Variants in CRELD2 observed in about 807,000 individuals in gnomAD.
CRELD2 encodes the protein protein disulfide isomerase CRELD2.
Under a neutral mutation model 48.1 loss-of-function variants are expected in CRELD2, and 33 were observed. That is an observed-to-expected ratio of 0.69 (90% CI 0.52 to 0.92). CRELD2 has a LOEUF of 0.92. CRELD2 is among the 40% of genes least tolerant of loss of function. The pLI, the probability that CRELD2 is intolerant of heterozygous loss-of-function variation, is 0.00. For synonymous variants in CRELD2, 220 were observed against 203.9 expected (o/e 1.08, Z -0.67); for missense variants, 477 against 482.4 (o/e 0.99, Z 0.10).
chr22:49,918,855 C>T lies in CRELD2; in HGVS notation c.86C>T (p.Thr29Met), dbSNP rs1345873878. 1 of 1,315,474 alleles carries T rather than the reference C, an allele frequency of 7.6e-7. No homozygotes were observed. The highest frequency in any genetic ancestry group is 9.7e-7 in the Non-Finnish European group (1 of 1,035,494). The allele number at this position is 1,315,474 out of a possible 1,614,324, so 81.5% of individuals were successfully genotyped here. A position where few individuals can be genotyped will look rare whatever the true frequency, so the allele number is the denominator to read the frequency against. ...PPAPEAAKKP[T>M]PCHRCRGLVD... is the part of the protein sequence containing the mutation. ...GCGCCGGAGGCCGCCAAGAAGCCGACGCCCTGCCACCGGTGCCGGGGGCTG... is the reference window on the plus strand; with the variant it reads ...GCGCCGGAGGCCGCCAAGAAGCCGATGCCCTGCCACCGGTGCCGGGGGCTG... The change falls in exon 1 of 10, where the codon ACG becomes ATG. Residue 29 changes from threonine (T) to methionine (M), a missense_variant. Coordinates refer to ENST00000328268, the MANE Select transcript of CRELD2 (RefSeq NM_024324.5).
chr22:49,922,328 T>G (rs765582080), intron 5 of CRELD2: 3 of 1,607,268 alleles, frequency 1.9e-6, no homozygotes, highest in Non-Finnish European at 1.7e-6. Flanking sequence ...CTTACCCGCC[T>G]TGCTGTCTGT....
rs575556167 is a variant in CRELD2, at chr22:49,918,741, G to C, written c.-29G>C. 2.8e-4 allele frequency: 262 copies of C among 929,596 alleles called. 1 individual carries two copies. In the African/African-American group the frequency reaches 4.2e-3, roughly 15 times the overall value. 57.6% of individuals were successfully genotyped at this position (929,596 alleles called of 1,614,324 possible). On this transcript the variant is annotated 5_prime_UTR_variant, in exon 1 of 10. Transcript: ENST00000328268. The stretch of plus-strand genomic sequence containing the variant: ...GCACGGCCGCAGGACCTGGAGCTCC[G>C]GCTGCGTCTTCCCGCAGCGCTACCC...
At chr22:49,924,059 C>A in intron 7 of CRELD2, 1 of 276,292 alleles carries the variant, frequency 3.6e-6, no homozygotes, top group Non-Finnish European at 7.0e-6. Context: ...GGCAGGCTGG[C>A]AAACCAATGG....
At chr22:49,921,299 T>G in intron 4 of CRELD2, 1 of 443,206 alleles carries the variant, frequency 2.3e-6, no homozygotes, top group Non-Finnish European at 4.0e-6. Context: ...AGTATCATCT[T>G]AGGGGACAGC....
Position 49,919,452 on chromosome 22 carries a change from T to C in CRELD2, c.212+140T>C, listed in dbSNP as rs2060653627. ...AGTCACCCGTCCGAGTCACCTCGGC[T>C]TCTCCCTGAGGACTAATGGCTGGCC... On this transcript the variant is annotated intron_variant, in intron 2 of 9. Coordinates refer to ENST00000328268, the MANE Select transcript of CRELD2 (RefSeq NM_024324.5). 5.1e-6 allele frequency: 4 copies of C among 781,434 alleles called. No individual in the cohort carries two copies. The South Asian group carries it at 6.6e-5, about 13-fold the overall frequency. The allele number at this position is 781,434 out of a possible 1,614,324, so 48.4% of individuals were successfully genotyped here.
rs948217593 is a variant in CRELD2 at position 49,918,647 on chromosome 22, C to T, written c.-123C>T. On this transcript the variant is annotated 5_prime_UTR_variant, in exon 1 of 10. Transcript: ENST00000328268. ...GGCGGGTGGGGCGGGGCCTCGCCGG[C>T]GCCGTCAAGTAGCCTGGGGGACAGG... is the stretch of plus-strand genomic sequence containing the variant. 5.6e-6 allele frequency: 2 copies of T among 357,700 alleles called. No homozygotes were observed. The highest frequency in any genetic ancestry group is 4.8e-5 in the Admixed American group (1 of 20,936). The allele number at this position is 357,700 out of a possible 1,614,324, so 22.2% of individuals were successfully genotyped here. A position where few individuals can be genotyped will look rare whatever the true frequency, so the allele number is the denominator to read the frequency against.
rs145769120 is a variant in CRELD2, at chr22:49,921,956, G to GT, written c.592+196dup. The GT allele has an allele frequency of 1.9e-3, 1,185 of 627,248 alleles. 10 individuals carry two copies. The African/African-American group carries it at 0.02, about 11-fold the overall frequency. The allele number at this position is 627,248 out of a possible 1,614,324, so 38.9% of individuals were successfully genotyped here. On this transcript the variant is annotated intron_variant, in intron 5 of 9. Coordinates refer to ENST00000328268, the MANE Select transcript of CRELD2 (RefSeq NM_024324.5). ...GAGGTTGTCGGGCACTTCCTGTCCCGTAACAGCCCTCAGAAGGGAGAAGCT... is the reference window on the plus strand; with the variant it reads ...GAGGTTGTCGGGCACTTCCTGTCCCGTTAACAGCCCTCAGAAGGGAGAAGCT...
At position 49,921,676 on chromosome 22, in the gene CRELD2, C is replaced by T. The variant is rs765286219; in HGVS notation, c.507C>T (p.His169=). ...SRQGDGSCRC[H]MGYQGPLCTD... Reference sequence around the variant, plus strand: ...AGGGCGACGGGTCCTGCCGGTGCCACATGGGGTACCAGGGCCCGCTGTGCA... The same window carrying T: ...AGGGCGACGGGTCCTGCCGGTGCCATATGGGGTACCAGGGCCCGCTGTGCA... Residue 169 remains histidine (H), a synonymous_variant, in exon 5 of 10, where the codon CAC becomes CAT. Transcript: ENST00000328268. 2 of 1,612,962 alleles carry T rather than the reference C, an allele frequency of 1.2e-6. No homozygotes were observed. The highest frequency in any genetic ancestry group is 1.1e-5 in the South Asian group (1 of 91,080).
Position 49,918,811 on chromosome 22 carries a change from T to C in CRELD2, c.42T>C (p.Leu14=), listed in dbSNP as rs562220912. 1 of 1,330,910 alleles carries C rather than the reference T, an allele frequency of 7.5e-7. No individual in the cohort carries two copies. The highest frequency in any genetic ancestry group is 3.9e-5 in the Admixed American group (1 of 25,580). 82.4% of individuals were successfully genotyped at this position (1,330,910 alleles called of 1,614,324 possible). ...PRRAALGLLP[L]LLLLPPAPEA... is the part of the protein sequence containing the mutation. ...GGGCCGCGCTGGGGCTCCTGCCGCT[T>C]CTGCTGCTGCTGCCGCCCGCGCCGG... The change falls in exon 1 of 10, where the codon CTT becomes CTC. Residue 14 remains leucine, a synonymous_variant. Coordinates refer to ENST00000328268, the MANE Select transcript of CRELD2 (RefSeq NM_024324.5).
Position 49,919,267 on chromosome 22 carries a change from G to A in CRELD2, c.167G>A (p.Gly56Glu), listed in dbSNP as rs758828736. 3.7e-6 allele frequency: 6 copies of A among 1,613,628 alleles called. No individual in the cohort carries two copies. The African/African-American group carries it at 6.7e-5, about 18-fold the overall frequency. The stretch of plus-strand genomic sequence containing the variant: ...ACCGCAAAGAAGAACTTTGGCGGCG[G>A]GAACACGGCTTGGGAGGAAAAGACG... ...VDTAKKNFGG[G>E]NTAWEEKTLS... Residue 56 changes from glycine (G) to glutamate (E), a missense_variant, in exon 2 of 10, where the codon GGG becomes GAG. Transcript: ENST00000328268.
Position 49,919,265 on chromosome 22 carries a change from C to T in CRELD2, c.165C>T (p.Gly55=), listed in dbSNP as rs564412416. The T allele has an allele frequency of 8.7e-6, 14 of 1,613,606 alleles. No individual in the cohort carries two copies. The South Asian group carries it at 8.8e-5, about 10-fold the overall frequency. The stretch of plus-strand genomic sequence containing the variant: ...ACACCGCAAAGAAGAACTTTGGCGG[C>T]GGGAACACGGCTTGGGAGGAAAAGA... ...MVDTAKKNFG[G]GNTAWEEKTL... The change falls in exon 2 of 10, where the codon GGC becomes GGT. Residue 55 remains glycine (G), a synonymous_variant. Transcript: ENST00000328268.
chr22:49,922,907 TGAGGTG>T (rs2060714763), intron 6 of CRELD2, among the ~76,000 whole-genome samples, 200 bp downstream of exon 6: 3 of 17,672 alleles, frequency 1.7e-4, no homozygotes, highest in African/African-American at 1.2e-3. Flanking sequence ...AGGTGGGGCG[TGAGGTG>T]TGGGGGCGTG....
intron 6 of CRELD2, among the ~76,000 whole-genome samples, 176 bp downstream of exon 6, chr22:49,922,883 T>TGGGGCCGTGAG (rs2060713179): frequency 4.7e-5 from 1 of 21,486 alleles, no homozygotes; most frequent in African/African-American, 4.4e-4. Flanking sequence ...GGGCGTGAGG[T>TGGGGCCGTGAG]GTGGGGGAGC....
At position 49,922,883 on chromosome 22, in the gene CRELD2, TGTGGGGGAGCATGAG is replaced by T. The variant is rs1569185890; in HGVS notation, c.688+183_688+197del. Among the ~76,000 whole-genome samples, 42 of 21,460 alleles carry T rather than the reference TGTGGGGGAGCATGAG, an allele frequency of 2.0e-3. 4 individuals are homozygous for T. The highest frequency in any genetic ancestry group is 0.017 in the African/African-American group (38 of 2,290). The allele number at this position is 21,460 out of a possible 152,430, so 14.1% of individuals were successfully genotyped here. The stretch of plus-strand genomic sequence containing the variant: ...GGCTTGGGGTGTGGGGGGCGTGAGG[TGTGGGGGAGCATGAG>T]GTGGGGCGTGAGGTGTGGGGGCGTG... On this transcript the variant is annotated intron_variant, in intron 6 of 9. Transcript: ENST00000328268.
In CRELD2 at chr22:49,925,478, T is replaced by C. The variant is rs1374553549; in HGVS notation, c.930T>C (p.Asn310=). The C allele has an allele frequency of 1.2e-6, 2 of 1,614,008 alleles. No homozygotes were observed. The highest frequency in any genetic ancestry group is 3.3e-5 in the Admixed American group (2 of 60,014). The change falls in exon 9 of 10, where the codon AAT becomes AAC. Residue 310 remains asparagine, a synonymous_variant. Coordinates refer to ENST00000328268, the MANE Select transcript of CRELD2 (RefSeq NM_024324.5). ...TGAGGAAAAACGAAAACTGCTACAA[T>C]ACTCCAGGGAGCTACGTCTGTGTGT... ...TCVRKNENCY[N]TPGSYVCVCP...
Position 49,923,268 on chromosome 22 carries a change from C to A in CRELD2, c.723C>A (p.Cys241Ter). Residue 241 changes from cysteine (C) to a stop codon, truncating the protein, a stop_gained, in exon 7 of 10, where the codon TGC becomes TGA. Coordinates refer to ENST00000328268, the MANE Select transcript of CRELD2 (RefSeq NM_024324.5). LOFTEE classifies it high-confidence loss of function. ...VDECAAEPPP[C>*]SAAQFCKNAN... ...AGTGTGCGGCCGAGCCGCCTCCCTGCAGCGCTGCGCAGTTCTGTAAGAACG... is the reference window on the plus strand; with the variant it reads ...AGTGTGCGGCCGAGCCGCCTCCCTGAAGCGCTGCGCAGTTCTGTAAGAACG... 1 of 1,603,424 alleles carries A rather than the reference C, an allele frequency of 6.2e-7. No homozygotes were observed. The highest frequency in any genetic ancestry group is 8.5e-7 in the Non-Finnish European group (1 of 1,175,242).
intron 7 of CRELD2, 121 bp downstream of exon 7, chr22:49,923,438 T>A: frequency 1.3e-6 from 1 of 782,476 alleles, no homozygotes; most frequent in Non-Finnish European, 2.2e-6. Flanking sequence ...TGAGAACACT[T>A]AGTGTGGCAA....
rs113281272 is a variant in CRELD2 at position 49,925,846 on chromosome 22, G to A, written c.1009+289G>A. ...GCGGGCGATGAGCAGAGGAGCAGAC[G>A]CAGGAGAAGAGGCAGCTAAAGAGCT... On this transcript the variant is annotated intron_variant, in intron 9 of 9. Coordinates refer to ENST00000328268, the MANE Select transcript of CRELD2 (RefSeq NM_024324.5). The A allele has an allele frequency of 1.2e-4, 111 of 908,444 alleles. 1 individual carries two copies. In the African/African-American group the frequency reaches 1.7e-3, roughly 14 times the overall value. 56.3% of individuals were successfully genotyped at this position (908,444 alleles called of 1,614,324 possible).
At chr22:49,923,424 G>A in intron 7 of CRELD2, 107 bp downstream of exon 7, 1 of 849,818 alleles carries the variant, frequency 1.2e-6, no homozygotes, top group Non-Finnish European at 2.0e-6. Flanking sequence ...CATCCTGCCT[G>A]CCCTGAGAAC....
Sources: gnomAD v4.1 joint callset for allele counts (sites outside exome capture counted in the v4.1 genomes callset) on GRCh38, gnomAD v4.1.1 for gene constraint, MANE v1.5 for transcripts, NCBI Gene and HGNC (gene_info 2026-07-23, HGNC 2026-07-21) for gene names.